Variants in CDS1 observed in about 807,000 individuals in gnomAD.
CDS1 encodes CDP-diacylglycerol synthase 1.
CDS1 carries 41 observed loss-of-function variants against 62.1 expected under a neutral mutation model. The observed-to-expected ratio is 0.66, with a 90% confidence interval of 0.51 to 0.86. The LOEUF (loss-of-function observed/expected upper bound fraction) is 0.86. Among genes scored for constraint, CDS1 ranks in the 40% least tolerant of loss-of-function variants. The pLI, the probability that CDS1 is intolerant of heterozygous loss-of-function variation, is 0.00. For synonymous variants in CDS1, 185 were observed against 192.6 expected (o/e 0.96, Z 0.32); for missense variants, 470 against 550.1 (o/e 0.85, Z 1.46).
Position 84,617,749 on chromosome 4 carries a change from A to G in CDS1, c.440+88A>G, listed in dbSNP as rs1022057104. The stretch of plus-strand genomic sequence containing the variant: ...GTCTTGATCAGTCAGTATCCACTCA[A>G]TTTACCCTATAGATTGATTCTAGAG... On this transcript the variant is annotated intron_variant, in intron 4 of 12. Transcript: ENST00000295887. The G allele has an allele frequency of 1.0e-4, 61 of 583,310 alleles. 1 individual carries two copies. Among genetic ancestry groups the G allele is most frequent in the African/African-American group, 7.5e-4 (39 of 51,850 alleles). 36.1% of individuals were successfully genotyped at this position (583,310 alleles called of 1,614,324 possible).
At position 84,638,932 on chromosome 4, in the gene CDS1, T is replaced by G; in HGVS notation, c.819T>G (p.Pro273=). Residue 273 remains proline (P), a synonymous_variant, in exon 9 of 13, where the codon CCT becomes CCG. Coordinates refer to ENST00000295887, the MANE Select transcript of CDS1 (RefSeq NM_001263.4). The part of the protein sequence containing the change: ...FGRTPLIKLS[P]KKTWEGFIGG... ...TATTTGCCCTTTTTTAGTTGTCTCC[T>G]AAAAAGACTTGGGAAGGATTCATTG... is the stretch of plus-strand genomic sequence containing the variant. 6.5e-7 allele frequency: 1 copy of G among 1,549,558 alleles called. No homozygotes were observed. The highest frequency in any genetic ancestry group is 8.7e-7 in the Non-Finnish European group (1 of 1,148,112).
At chr4:84,613,004 A>G (rs1218985543) in intron 3 of CDS1, among the ~76,000 whole-genome samples, 3 of 151,336 alleles carry the variant, frequency 2.0e-5, no homozygotes, top group Admixed American at 1.3e-4. Flanking sequence ...AAAAAAAAAA[A>G]AAAGAATATT....
At chr4:84,601,172 CA>C (rs59688950) in intron 1 of CDS1, among the ~76,000 whole-genome samples, 1,254 of 88,234 alleles carry the variant, frequency 0.014, 42 homozygotes, top group African/African-American at 0.047. Flanking sequence ...GACCCTGTCT[CA>C]AAAAAAAAAA....
chr4:84,620,477 C>A (rs573594455), intron 5 of CDS1, among the ~76,000 whole-genome samples: 109 of 152,058 alleles, frequency 7.2e-4, no homozygotes, highest in African/African-American at 2.6e-3. Flanking sequence ...CTGCCTCAGC[C>A]TCCCAAAGTG....
chr4:84,634,515 A>T (rs1724117803), intron 7 of CDS1, among the ~76,000 whole-genome samples: 1 of 151,318 alleles, frequency 6.6e-6, no homozygotes, highest in South Asian at 2.1e-4. Flanking sequence ...GCTTAAGATT[A>T]AAAAAAAATC....
intron 1 of CDS1, among the ~76,000 whole-genome samples, chr4:84,603,043 A>T (rs1722984755): frequency 6.6e-6 from 1 of 152,246 alleles, no homozygotes; most frequent in Admixed American, 6.5e-5. Context: ...ATGAGGAATT[A>T]GAAGACTTGA....
intron 2 of CDS1, among the ~76,000 whole-genome samples, chr4:84,605,339 G>A (rs969397645): frequency 5.3e-5 from 8 of 151,918 alleles, no homozygotes; most frequent in Admixed American, 5.3e-4. Flanking sequence ...AACAAAAAAT[G>A]CTACATGTAA....
At chr4:84,618,085 T>C (rs531083744) in intron 4 of CDS1, among the ~76,000 whole-genome samples, 16 of 152,282 alleles carry the variant, frequency 1.1e-4, no homozygotes, top group African/African-American at 3.4e-4. Flanking sequence ...ATAAAGTTAG[T>C]AACAAAATCA....
At chr4:84,617,310 T>C (rs1235910603) in intron 3 of CDS1, among the ~76,000 whole-genome samples, 1 of 152,192 alleles carries the variant, frequency 6.6e-6, no homozygotes, top group Non-Finnish European at 1.5e-5. Flanking sequence ...CCTCAAACTT[T>C]AAACTCCATT....
intron 3 of CDS1, among the ~76,000 whole-genome samples, chr4:84,613,789 C>G (rs1353026254): frequency 6.6e-6 from 1 of 152,118 alleles, no homozygotes; most frequent in African/African-American, 2.4e-5. Flanking sequence ...CAGATGTGAA[C>G]ATATAGAAGA....
intron 1 of CDS1, 21 bp downstream of exon 1, chr4:84,583,539 C>A: frequency 7.1e-7 from 1 of 1,401,334 alleles, no homozygotes; most frequent in South Asian, 1.3e-5. Context: ...CCGAGAGAGG[C>A]GGACGCCGCG....
intron 3 of CDS1, among the ~76,000 whole-genome samples, chr4:84,612,385 C>A (rs567954157): frequency 3.8e-4 from 58 of 152,200 alleles, no homozygotes; most frequent in African/African-American, 1.2e-3. Flanking sequence ...ATCCTAGATA[C>A]AGTGACTTCG....
chr4:84,598,331 A>G (rs1578020046), intron 1 of CDS1, among the ~76,000 whole-genome samples: 1 of 151,800 alleles, frequency 6.6e-6, no homozygotes, highest in East Asian at 1.9e-4. Context: ...GAACTGAGCT[A>G]CAGGGATCAG....
At chr4:84,600,808 A>G (rs747308801) in intron 1 of CDS1, among the ~76,000 whole-genome samples, 2 of 152,172 alleles carry the variant, frequency 1.3e-5, no homozygotes, top group Non-Finnish European at 2.9e-5. Context: ...TTTCTTCAAA[A>G]AAGCCTTCTG....
chr4:84,611,079 G>T (rs972523200), intron 3 of CDS1, among the ~76,000 whole-genome samples: 4 of 152,224 alleles, frequency 2.6e-5, no homozygotes, highest in African/African-American at 7.2e-5. Context: ...GGTTGAGTGG[G>T]AATCAACAAG....
chr4:84,602,434 C>T (rs1722965898), intron 1 of CDS1, among the ~76,000 whole-genome samples: 1 of 152,106 alleles, frequency 6.6e-6, no homozygotes, highest in Non-Finnish European at 1.5e-5. Context: ...GAATGCTAGT[C>T]TAATGGTTTT....
intron 6 of CDS1, among the ~76,000 whole-genome samples, chr4:84,632,487 G>A (rs546266827): frequency 2.6e-3 from 389 of 152,198 alleles, no homozygotes; most frequent in Non-Finnish European, 2.8e-3. Flanking sequence ...GCTTATTTTG[G>A]ACTTGGAATA....
At chr4:84,635,918 G>A (rs535096714) in intron 8 of CDS1, among the ~76,000 whole-genome samples, 33 of 151,372 alleles carry the variant, frequency 2.2e-4, no homozygotes, top group South Asian at 2.1e-3. Flanking sequence ...CACCACACCC[G>A]GCTAATTTTT....
intron 8 of CDS1, among the ~76,000 whole-genome samples, chr4:84,636,145 C>T (rs774886405): frequency 7.2e-5 from 11 of 152,128 alleles, no homozygotes; most frequent in Non-Finnish European, 1.2e-4. Context: ...CTTGACTCTC[C>T]TCTCCCTTCA....
Sources: allele counts gnomAD v4.1 joint callset (sites outside exome capture counted in the v4.1 genomes callset), GRCh38; gene constraint gnomAD v4.1.1; transcripts MANE v1.5; gene names NCBI Gene and HGNC (gene_info 2026-07-23, HGNC 2026-07-21).